Variants in ANKRD17 observed in about 807,000 individuals in gnomAD.
ANKRD17 encodes ankyrin repeat domain 17.
A neutral mutation model predicts 229.7 loss-of-function variants in ANKRD17; 19 were observed. That is an observed-to-expected ratio of 0.08 (90% CI 0.06 to 0.12). The LOEUF (loss-of-function observed/expected upper bound fraction) is 0.12, where lower values mean the gene tolerates loss of function less well. ANKRD17 is among the 10% of genes least tolerant of loss of function. The pLI is 1.00. For synonymous variants in ANKRD17, 1,112 were observed against 1,146.1 expected (o/e 0.97, Z 0.60); for missense variants, 2,176 against 3,176.8 (o/e 0.68, Z 7.57).
intron 12 of ANKRD17, 92 bp downstream of exon 12, chr4:73,142,548 A>G: frequency 6.3e-7 from 1 of 1,596,902 alleles, no homozygotes; most frequent in Non-Finnish European, 8.5e-7. Flanking sequence ...TTAGAATGCC[A>G]TTATGAATGG....
At position 73,077,399 on chromosome 4, in the gene ANKRD17, G is replaced by A. The variant is rs1721104600; in HGVS notation, c.7543C>T (p.His2515Tyr). ...TGIVTPSGTF[H>Y]QHVPAGYMDF... ...ATGTAGCCTGCAGGAACATGCTGAT[G>A]GAATGTACCAGAAGGAGTTACAATT... is the stretch of plus-strand genomic sequence containing the variant. Residue 2515 changes from histidine (H) to tyrosine (Y), a missense_variant, in exon 32 of 34, where the codon CAT becomes TAT. By Grantham distance (83) the His-to-Tyr change is moderately conservative. Transcript: ENST00000358602. The A allele has an allele frequency of 6.2e-7, 1 of 1,613,400 alleles. No individual in the cohort carries two copies.
intron 1 of ANKRD17, among the ~76,000 whole-genome samples, chr4:73,197,816 C>T (rs181072676): frequency 0.012 from 1,827 of 151,472 alleles, 20 homozygotes; most frequent in Non-Finnish European, 0.02. Context: ...GAGCCTATCT[C>T]AAAAAAACAA....
chr4:73,186,073 A>G (rs967361205), intron 1 of ANKRD17, among the ~76,000 whole-genome samples: 1 of 152,004 alleles, frequency 6.6e-6, no homozygotes, highest in African/African-American at 2.4e-5. Context: ...ATAAAATAAG[A>G]AATAAGAAGT....
intron 1 of ANKRD17, among the ~76,000 whole-genome samples, chr4:73,237,284 C>A (rs1578490348): frequency 6.6e-6 from 1 of 152,250 alleles, no homozygotes; most frequent in East Asian, 1.9e-4. Context: ...GCATAGAAGA[C>A]AAAAAGCTGT....
intron 1 of ANKRD17, among the ~76,000 whole-genome samples, chr4:73,235,047 T>C (rs1260699131): frequency 6.6e-6 from 1 of 152,164 alleles, no homozygotes; most frequent in East Asian, 1.9e-4. Context: ...GAACTTTCTA[T>C]CTTCTTCAAA....
chr4:73,162,845 T>TTTTTG (rs1045655822), intron 2 of ANKRD17, among the ~76,000 whole-genome samples: 2 of 151,732 alleles, frequency 1.3e-5, no homozygotes, highest in African/African-American at 4.8e-5. Flanking sequence ...TTGTGGTGCT[T>TTTTTG]TTTTGTTTTG....
intron 15 of ANKRD17, among the ~76,000 whole-genome samples, chr4:73,138,310 G>T (rs1253073935): frequency 6.6e-6 from 1 of 151,992 alleles, no homozygotes; most frequent in Non-Finnish European, 1.5e-5. Context: ...TTCCAATGTG[G>T]TTATTTAACC....
At chr4:73,105,335 C>T (rs1913149) in intron 24 of ANKRD17, among the ~76,000 whole-genome samples, 150,778 of 151,086 alleles carry the variant, frequency 1, 75,235 homozygotes, top group South Asian at 1. Flanking sequence ...TACACACATA[C>T]ACCTACTATT....
At chr4:73,190,155 G>C (rs1034120837) in intron 1 of ANKRD17, among the ~76,000 whole-genome samples, 4 of 152,054 alleles carry the variant, frequency 2.6e-5, no homozygotes, top group African/African-American at 9.7e-5. Flanking sequence ...GATCACCTGA[G>C]GTCAGGAGTT....
chr4:73,118,141 T>G (rs1726217273), intron 22 of ANKRD17, among the ~76,000 whole-genome samples: 1 of 152,050 alleles, frequency 6.6e-6, no homozygotes, highest in Admixed American at 6.6e-5. Context: ...CTCAGCCTCC[T>G]GAGTAGCTGG....
intron 14 of ANKRD17, 44 bp from the exon 15 acceptor site, chr4:73,140,327 T>C: frequency 6.5e-7 from 1 of 1,528,322 alleles, no homozygotes; most frequent in Non-Finnish European, 8.7e-7. Context: ...ATGAATGGCA[T>C]CCTCATTACA....
chr4:73,153,794 T>C (rs1295782272), intron 6 of ANKRD17, 86 bp downstream of exon 6: 19 of 994,160 alleles, frequency 1.9e-5, no homozygotes, highest in Non-Finnish European at 2.4e-5. Context: ...CATTGTTTTA[T>C]TTTTTAACTT....
chr4:73,142,456 G>A (rs2148822588), intron 12 of ANKRD17, 71 bp from the exon 13 acceptor site: 2 of 1,574,850 alleles, frequency 1.3e-6, no homozygotes, highest in Non-Finnish European at 1.7e-6. Flanking sequence ...CACTTAGGAA[G>A]ATAAAGCCAA....
intron 1 of ANKRD17, among the ~76,000 whole-genome samples, chr4:73,193,591 T>C (rs1560697040): frequency 6.6e-6 from 1 of 152,322 alleles, no homozygotes; most frequent in South Asian, 2.1e-4. Context: ...AACACCTTTA[T>C]CTTGTGTTTA....
rs369014806 is a variant in ANKRD17, at chr4:73,246,349, G to C, written c.393+11927C>G. ...ACACAATGGGTTGGGTGAAAAGAGG[G>C]AGAGATAGTTGTTTATTGCTTTATA... On this transcript the variant is annotated intron_variant, in intron 1 of 33. Coordinates refer to ENST00000358602, the MANE Select transcript of ANKRD17 (RefSeq NM_032217.5). 1.9e-4 allele frequency among the ~76,000 whole-genome samples: 29 copies of C among 152,296 alleles called. 1 individual carries two copies. The South Asian group carries it at 5.4e-3, about 28-fold the overall frequency.
At chr4:73,143,999 C>T (rs1023930484) in intron 11 of ANKRD17, among the ~76,000 whole-genome samples, 25 of 152,216 alleles carry the variant, frequency 1.6e-4, no homozygotes, top group Admixed American at 1.6e-3. Context: ...ACTCGAGGTC[C>T]CAAAGAGCTG....
At chr4:73,094,343 G>A (rs1723076439) in intron 27 of ANKRD17, 115 bp from the exon 28 acceptor site, 2 of 934,692 alleles carry the variant, frequency 2.1e-6, no homozygotes, top group East Asian at 5.3e-5. Flanking sequence ...GAATATTGTT[G>A]AATAAGCCTC....
chr4:73,161,180 A>G lies in ANKRD17; in HGVS notation c.704+12T>C, dbSNP rs373337393. On this transcript the variant is annotated intron_variant, in intron 3 of 33. Coordinates refer to ENST00000358602, the MANE Select transcript of ANKRD17 (RefSeq NM_032217.5). ...AATGATTTCATACTGATGGCAGCAA[A>G]AATGTACTTACTTGTCCGACTGCCC... is the stretch of plus-strand genomic sequence containing the variant. 4 of 1,608,494 alleles carry G rather than the reference A, an allele frequency of 2.5e-6. No individual in the cohort carries two copies. In the African/African-American group the frequency reaches 5.4e-5, roughly 22 times the overall value.
At chr4:73,081,982 CA>C (rs905989959) in intron 30 of ANKRD17, among the ~76,000 whole-genome samples, 3 of 150,874 alleles carry the variant, frequency 2.0e-5, no homozygotes, top group South Asian at 2.1e-4. Context: ...CTCATCTCTA[CA>C]AAAAAAAATT....
Sources: allele counts gnomAD v4.1 joint callset (sites outside exome capture counted in the v4.1 genomes callset), GRCh38; gene constraint gnomAD v4.1.1; transcripts MANE v1.5; gene names NCBI Gene and HGNC (gene_info 2026-07-23, HGNC 2026-07-21).